Variants in EMID1 observed in about 807,000 individuals in gnomAD.
EMID1 encodes EMI domain-containing protein 1.
EMID1 carries 40 observed loss-of-function variants against 60.6 expected under a neutral mutation model. That is an observed-to-expected ratio of 0.66 (90% CI 0.51 to 0.86). EMID1 has a LOEUF of 0.86. Ranked by LOEUF, EMID1 falls within the 40% of genes least tolerant of loss-of-function variation. The probability of loss-of-function intolerance (pLI) is 0.00; values close to 1 mark genes in which losing one functional copy is unlikely to be tolerated. For synonymous variants in EMID1, 242 were observed against 231.0 expected (o/e 1.05, Z -0.43); for missense variants, 585 against 597.1 (o/e 0.98, Z 0.21).
At chr22:29,228,585 G>A (rs569767050) in intron 5 of EMID1, among the ~76,000 whole-genome samples, 3 of 151,986 alleles carry the variant, frequency 2.0e-5, no homozygotes, top group South Asian at 2.1e-4. Context: ...TTGTTTGTTC[G>A]TTTTGTTTTG....
At chr22:29,210,803 C>T (rs888361578) in intron 1 of EMID1, among the ~76,000 whole-genome samples, 15 of 152,320 alleles carry the variant, frequency 9.8e-5, no homozygotes, top group African/African-American at 2.2e-4. Context: ...CCACCTCTCC[C>T]GGCCTAGTCT....
intron 14 of EMID1, chr22:29,255,432 A>G: frequency 8.5e-7 from 1 of 1,179,916 alleles, no homozygotes. Flanking sequence ...GGCATGCAGA[A>G]GGCGCCTTCC....
intron 1 of EMID1, among the ~76,000 whole-genome samples, chr22:29,210,074 A>G (rs1008153275): frequency 6.6e-6 from 1 of 151,740 alleles, no homozygotes; most frequent in African/African-American, 2.4e-5. Context: ...GGGATGGGGT[A>G]ATTATTAGTG....
At position 29,258,911 on chromosome 22, in the gene EMID1, C is replaced by G; in HGVS notation, c.1299C>G (p.Ile433Met). 5 of 1,613,334 alleles carry G rather than the reference C, an allele frequency of 3.1e-6. No individual in the cohort carries two copies. Among genetic ancestry groups the G allele is most frequent in the Non-Finnish European group, 4.2e-6 (5 of 1,179,730 alleles). ...KRGGHATNYR[I>M]VAPRSRDERG ...GCGGACATGCAACCAACTACCGGAT[C>G]GTGGCCCCCAGGAGCCGGGACGAGA... Residue 433 changes from isoleucine (I) to methionine (M), a missense_variant, in exon 15 of 15, where the codon ATC becomes ATG. By Grantham distance (10) the Ile-to-Met change is conservative. Transcript: ENST00000334018.
intron 13 of EMID1, among the ~76,000 whole-genome samples, chr22:29,245,138 T>C (rs571418714): frequency 1.3e-5 from 2 of 152,192 alleles, no homozygotes; most frequent in East Asian, 3.9e-4. Flanking sequence ...CCAGTTAGCC[T>C]CTCCTGGCCC....
intron 12 of EMID1, among the ~76,000 whole-genome samples, chr22:29,237,907 C>T (rs150092333): frequency 0.012 from 1,686 of 144,778 alleles, 196 homozygotes; most frequent in East Asian, 0.04. Flanking sequence ...ATTCTAGAAT[C>T]GGGCAACACT....
chr22:29,244,761 CGAG>C (rs2041273969), intron 13 of EMID1, among the ~76,000 whole-genome samples: 1 of 151,690 alleles, frequency 6.6e-6, no homozygotes, highest in Non-Finnish European at 1.5e-5. Flanking sequence ...GGGGGAAAGA[CGAG>C]GACCCTAAAA....
intron 3 of EMID1, 65 bp from the exon 4 acceptor site, chr22:29,225,068 T>TG (rs905104467): frequency 6.5e-7 from 1 of 1,546,046 alleles, no homozygotes; most frequent in African/African-American, 1.4e-5. Context: ...GCTACAGTGG[T>TG]GGGCAGGGGG....
At chr22:29,231,920 G>T (rs2040764172) in intron 7 of EMID1, 1 of 563,590 alleles carries the variant, frequency 1.8e-6, no homozygotes, top group Non-Finnish European at 3.1e-6. Context: ...TGGGCACTGG[G>T]TGGGGTCAGA....
At chr22:29,251,598 A>G (rs914214993) in intron 13 of EMID1, among the ~76,000 whole-genome samples, 3 of 152,034 alleles carry the variant, frequency 2.0e-5, no homozygotes, top group Non-Finnish European at 2.9e-5. Context: ...CTTGTGCTCA[A>G]GTGAACCTCC....
chr22:29,244,263 G>A (rs1027754746), intron 13 of EMID1, among the ~76,000 whole-genome samples: 32 of 151,974 alleles, frequency 2.1e-4, no homozygotes, highest in Admixed American at 1.8e-3. Context: ...ACCACACACC[G>A]CAAAATCTCA....
chr22:29,249,772 G>A (rs900752838), intron 13 of EMID1, among the ~76,000 whole-genome samples: 8 of 151,328 alleles, frequency 5.3e-5, no homozygotes, highest in African/African-American at 1.7e-4. Context: ...CTGCCACCAC[G>A]CCTGGCTAAT....
At chr22:29,253,040 A>G (rs2041581921) in intron 13 of EMID1, among the ~76,000 whole-genome samples, 1 of 152,226 alleles carries the variant, frequency 6.6e-6, no homozygotes, top group African/African-American at 2.4e-5. Context: ...GATGGTTCAA[A>G]TTACAATTTT....
At chr22:29,210,357 G>T (rs935888346) in intron 1 of EMID1, among the ~76,000 whole-genome samples, 1 of 150,998 alleles carries the variant, frequency 6.6e-6, no homozygotes, top group Admixed American at 6.6e-5. Flanking sequence ...GGGTTTAAGC[G>T]ATTCTCCTGC....
In EMID1 at chr22:29,216,247, G is replaced by GT. The variant is rs1400769124; in HGVS notation, c.319+617_319+618insT. 300 of 960,862 alleles carry GT rather than the reference G, an allele frequency of 3.1e-4. 1 individual carries two copies. In the Admixed American group the frequency reaches 4.1e-3, roughly 13 times the overall value. 59.5% of individuals were successfully genotyped at this position (960,862 alleles called of 1,614,324 possible). A position where few individuals can be genotyped will look rare whatever the true frequency, so the allele number is the denominator to read the frequency against. On this transcript the variant is annotated intron_variant, in intron 3 of 14. Coordinates refer to ENST00000334018, the MANE Select transcript of EMID1 (RefSeq NM_133455.4). ...GGCTCAGGGCTGAGCACCCTGCAGGGGCACAGAGGAGGCAGCCTGGGCCTC... is the reference window on the plus strand; with the variant it reads ...GGCTCAGGGCTGAGCACCCTGCAGGGTGCACAGAGGAGGCAGCCTGGGCCTC...
At chr22:29,244,521 C>T (rs2041256994) in intron 13 of EMID1, among the ~76,000 whole-genome samples, 1 of 151,984 alleles carries the variant, frequency 6.6e-6, no homozygotes, top group African/African-American at 2.4e-5. Flanking sequence ...CACCTGTAGT[C>T]CTAGCTATTC....
chr22:29,256,463 CAA>C (rs774829201), intron 14 of EMID1, among the ~76,000 whole-genome samples: 8,392 of 52,410 alleles, frequency 0.16, 447 homozygotes, highest in African/African-American at 0.32. Flanking sequence ...GACTCCATCT[CAA>C]AAAAAAAAAA....
rs751132035 is a variant in EMID1, at chr22:29,233,587, C to A, written c.914-27C>A. On this transcript the variant is annotated intron_variant, in intron 9 of 14. Coordinates refer to ENST00000334018, the MANE Select transcript of EMID1 (RefSeq NM_133455.4). ...TTCCTGAGATTGTACTTTGTTCCGG[C>A]CCTTAGGACATCCTGTCTTTTTCCA... 3 of 1,612,576 alleles carry A rather than the reference C, an allele frequency of 1.9e-6. No individual in the cohort carries two copies. The East Asian group carries it at 6.7e-5, about 36-fold the overall frequency.
chr22:29,258,794 T>C (rs960101399), intron 14 of EMID1, 23 bp from the exon 15 acceptor site: 2 of 1,612,560 alleles, frequency 1.2e-6, no homozygotes, highest in Non-Finnish European at 1.7e-6. Context: ...TAATGTGGCC[T>C]CTCTCCTTCT....
Sources: allele counts gnomAD v4.1 joint callset (sites outside exome capture counted in the v4.1 genomes callset), GRCh38; gene constraint gnomAD v4.1.1; transcripts MANE v1.5; gene names NCBI Gene and HGNC (gene_info 2026-07-23, HGNC 2026-07-21).